ELOVL6: variants seen among roughly 807,000 people sequenced by gnomAD.
ELOVL6 encodes ELOVL fatty acid elongase 6, also known as very long chain fatty acid elongase 6.
Under a neutral mutation model 31.7 loss-of-function variants are expected in ELOVL6, and 8 were observed. The observed-to-expected ratio is 0.25, with a 90% CI of 0.15 to 0.45. The LOEUF is 0.45. Among genes scored for constraint, ELOVL6 ranks in the 20% least tolerant of loss-of-function variants. ELOVL6 has a pLI of 1.00. For synonymous variants in ELOVL6, 101 were observed against 117.7 expected (o/e 0.86, Z 0.92); for missense variants, 126 against 326.4 (o/e 0.39, Z 4.73).
chr4:110,183,914 A>G (rs1413699558), intron 1 of ELOVL6, among the ~76,000 whole-genome samples: 8 of 152,308 alleles, frequency 5.3e-5, no homozygotes, highest in Admixed American at 2.6e-4. Flanking sequence ...ACTGGGAGGC[A>G]GACGTTGCAG....
At chr4:110,083,164 AC>A (rs1458688755) in intron 2 of ELOVL6, among the ~76,000 whole-genome samples, 1 of 151,758 alleles carries the variant, frequency 6.6e-6, no homozygotes, top group Non-Finnish European at 1.5e-5. Context: ...TTTTCACAAA[AC>A]CCATATTCTA....
chr4:110,117,924 A>ATATATATATATATC (rs1357550939), intron 1 of ELOVL6: 8 of 22,616 alleles, frequency 3.5e-4, no homozygotes, highest in Non-Finnish European at 3.4e-4. Context: ...ATATATATAT[A>ATATATATATATATC]TCTCCCCAGA....
chr4:110,063,520 T>G (rs1056267488), intron 2 of ELOVL6, among the ~76,000 whole-genome samples: 4 of 151,476 alleles, frequency 2.6e-5, no homozygotes, highest in Non-Finnish European at 4.4e-5. Flanking sequence ...AAGTGACAAC[T>G]AGCAAGTTTA....
intron 2 of ELOVL6, among the ~76,000 whole-genome samples, chr4:110,064,772 G>GCTA (rs1755249758): frequency 6.6e-6 from 1 of 152,166 alleles, no homozygotes; most frequent in African/African-American, 2.4e-5. Flanking sequence ...ATAGACGTGA[G>GCTA]CTACTGCACC....
rs1001702491 is a variant in ELOVL6 at position 110,051,025 on chromosome 4, C to T, written c.*313G>A. ...CCTATGTGTTAATAGCCTTTGTTTG[C>T]CTTTGATTAGTCTCCTCTGCTTCTG... On this transcript the variant is annotated 3_prime_UTR_variant, in exon 4 of 4. Coordinates refer to ENST00000302274, the MANE Select transcript of ELOVL6 (RefSeq NM_024090.3). The surrounding 1 kb of genome is among the most constrained non-coding windows in gnomAD (Gnocchi z 4.8). The T allele has an allele frequency of 6.5e-6, 2 of 309,124 alleles. No individual in the cohort carries two copies. The highest frequency in any genetic ancestry group is 1.2e-5 in the Non-Finnish European group (2 of 165,448). The allele number at this position is 309,124 out of a possible 1,614,324, so 19.1% of individuals were successfully genotyped here.
chr4:110,179,749 T>C (rs1759218013), intron 1 of ELOVL6, among the ~76,000 whole-genome samples: 1 of 152,216 alleles, frequency 6.6e-6, no homozygotes. Context: ...GCTGTTATGT[T>C]GTAACTACCT....
chr4:110,195,849 A>G (rs1759760076), intron 1 of ELOVL6, among the ~76,000 whole-genome samples: 1 of 152,198 alleles, frequency 6.6e-6, no homozygotes, highest in South Asian at 2.1e-4. Context: ...CAGAATCAAG[A>G]GTGGGATGAC....
intron 1 of ELOVL6, among the ~76,000 whole-genome samples, chr4:110,129,379 TTA>T (rs1757601419): frequency 6.6e-6 from 1 of 152,134 alleles, no homozygotes; most frequent in African/African-American, 2.4e-5. Context: ...AGGATAGATG[TTA>T]TAGTAAGTGA....
chr4:110,171,770 T>C (rs893126862), intron 1 of ELOVL6, among the ~76,000 whole-genome samples: 1 of 142,656 alleles, frequency 7.0e-6, no homozygotes. Flanking sequence ...CTTGGCTCAC[T>C]GCAGCCTCTG....
chr4:110,187,576 G>T (rs1165505893), intron 1 of ELOVL6, among the ~76,000 whole-genome samples: 1 of 151,610 alleles, frequency 6.6e-6, no homozygotes, highest in Admixed American at 6.6e-5. Context: ...CGCATGTGTA[G>T]TCCCAACTAA....
intron 1 of ELOVL6, among the ~76,000 whole-genome samples, chr4:110,186,748 G>A (rs1171123453): frequency 7.0e-6 from 1 of 141,900 alleles, no homozygotes; most frequent in Non-Finnish European, 1.5e-5. Flanking sequence ...AGGTTGCAGT[G>A]AGTTGAGATT....
rs530340052 is a variant in ELOVL6, at chr4:110,121,571, C to T, written c.90-15943G>A. Among the ~76,000 whole-genome samples, 155 of 152,210 alleles carry T rather than the reference C, an allele frequency of 1.0e-3. 1 individual carries two copies. In the Middle Eastern group the frequency reaches 0.024, roughly 23 times the overall value. On this transcript the variant is annotated intron_variant, in intron 1 of 3. Transcript: ENST00000302274. Reference sequence around the variant, plus strand: ...AAAATTAGCCAGGCGTGGTGGCAGACGCCTGTAGTCCCAGCTACTCGGGAG... The same window carrying T: ...AAAATTAGCCAGGCGTGGTGGCAGATGCCTGTAGTCCCAGCTACTCGGGAG...
intron 1 of ELOVL6, among the ~76,000 whole-genome samples, chr4:110,169,615 A>C (rs1009173253): frequency 1.3e-5 from 2 of 152,108 alleles, no homozygotes; most frequent in Non-Finnish European, 2.9e-5. Context: ...CTTCCATATT[A>C]AAACAATGGT....
At chr4:110,084,504 C>CATAT (rs1205243668) in intron 2 of ELOVL6, among the ~76,000 whole-genome samples, 1 of 48,904 alleles carries the variant, frequency 2.0e-5, no homozygotes, top group African/African-American at 8.4e-5. Context: ...ACATATATAT[C>CATAT]ATATATGTGT....
rs1409714559 is a variant in ELOVL6 at position 110,066,480 on chromosome 4, C to CA, written c.222-6727dup. Among the ~76,000 whole-genome samples the CA allele has an allele frequency of 9.4e-5, 14 of 149,728 alleles. No homozygotes were observed. The South Asian group carries it at 1.1e-3, about 11-fold the overall frequency. On this transcript the variant is annotated intron_variant, in intron 2 of 3. Coordinates refer to ENST00000302274, the MANE Select transcript of ELOVL6 (RefSeq NM_024090.3). ...TGAAACCCCGTCTCTACTAAAAATA[C>CA]AAAAAAAAATTAGCCGGGCGTGGTG... is the stretch of plus-strand genomic sequence containing the variant.
chr4:110,060,499 T>A (rs898743704), intron 2 of ELOVL6, among the ~76,000 whole-genome samples: 8 of 144,512 alleles, frequency 5.5e-5, no homozygotes, highest in African/African-American at 2.0e-4. Flanking sequence ...CAATAAAGAC[T>A]GTTGAAAAAG....
At chr4:110,109,300 T>C in intron 1 of ELOVL6, among the ~76,000 whole-genome samples, 1 of 152,164 alleles carries the variant, frequency 6.6e-6, no homozygotes, top group East Asian at 1.9e-4. Context: ...GCACAACCCA[T>C]AATTATAGGT....
At chr4:110,138,564 G>C (rs1460555323) in intron 1 of ELOVL6, among the ~76,000 whole-genome samples, 1 of 152,178 alleles carries the variant, frequency 6.6e-6, no homozygotes, top group African/African-American at 2.4e-5. Flanking sequence ...CCTCCCTAAA[G>C]ACATGGGAAT....
chr4:110,064,078 CAA>C (rs34104506), intron 2 of ELOVL6, among the ~76,000 whole-genome samples: 10,333 of 103,216 alleles, frequency 0.1, 741 homozygotes, highest in African/African-American at 0.23. Context: ...AACTCTGTCT[CAA>C]AAAAAAAAAA....
Sources: allele counts gnomAD v4.1 joint callset (sites outside exome capture counted in the v4.1 genomes callset), GRCh38; gene constraint gnomAD v4.1.1; non-coding constraint Gnocchi (gnomAD v3.1); transcripts MANE v1.5; gene names NCBI Gene and HGNC (gene_info 2026-07-23, HGNC 2026-07-21).